The following SNTG1 variants were observed in gnomAD, a reference collection of about 807,000 sequenced individuals.
SNTG1 encodes syntrophin gamma 1.
In SNTG1, 39 loss-of-function variants were observed where a neutral mutation model predicts 74.7. The observed-to-expected ratio is 0.52, with a 90% confidence interval of 0.40 to 0.68. The LOEUF is 0.68. Ranked by LOEUF, SNTG1 falls within the 30% of genes least tolerant of loss-of-function variation. SNTG1 has a pLI of 0.00. For missense variants in SNTG1, 685 were observed against 609.5 expected, an observed-to-expected ratio of 1.12 and a Z score of -1.30; for synonymous variants, 254 against 217.1, an observed-to-expected ratio of 1.17 and a Z score of -1.49.
intron 1 of SNTG1, among the ~76,000 whole-genome samples, chr8:50,117,957 G>C (rs16914302): frequency 0.025 from 3,803 of 152,202 alleles, 187 homozygotes; most frequent in African/African-American, 0.085. Flanking sequence ...TAAAAGCTAT[G>C]TGAAGTTGGC....
intron 2 of SNTG1, among the ~76,000 whole-genome samples, chr8:50,270,730 A>G (rs1433807726): frequency 1.3e-5 from 2 of 152,214 alleles, no homozygotes; most frequent in African/African-American, 4.8e-5. Context: ...TTATGAATGA[A>G]GACAAACATG....
intron 1 of SNTG1, among the ~76,000 whole-genome samples, chr8:49,960,923 C>T (rs1810624064): frequency 6.6e-6 from 1 of 152,078 alleles, no homozygotes; most frequent in Non-Finnish European, 1.5e-5. Flanking sequence ...GTGGAGGACT[C>T]CCTAGGGCCC....
chr8:50,082,386 CTT>C (rs1822491555), intron 1 of SNTG1, among the ~76,000 whole-genome samples: 1 of 152,300 alleles, frequency 6.6e-6, no homozygotes, highest in East Asian at 1.9e-4. Context: ...TAGATTCTGA[CTT>C]TTCCACAGTA....
At chr8:50,244,997 T>A (rs566248918) in intron 2 of SNTG1, among the ~76,000 whole-genome samples, 78 of 151,838 alleles carry the variant, frequency 5.1e-4, no homozygotes, top group Non-Finnish European at 9.1e-4. Context: ...CATTTTTACA[T>A]TTTTTTTCCA....
intron 9 of SNTG1, among the ~76,000 whole-genome samples, chr8:50,519,926 T>G (rs2094165359): frequency 6.6e-6 from 1 of 151,596 alleles, no homozygotes; most frequent in Non-Finnish European, 1.5e-5. Flanking sequence ...TTCACAGAAT[T>G]TGAAAAAAAA....
intron 4 of SNTG1, among the ~76,000 whole-genome samples, chr8:50,409,287 T>G (rs930044530): frequency 9.2e-5 from 14 of 152,306 alleles, no homozygotes; most frequent in African/African-American, 3.1e-4. Flanking sequence ...GAGTTAAAAC[T>G]GAAATATCCA....
intron 18 of SNTG1, among the ~76,000 whole-genome samples, chr8:50,767,366 G>A (rs192923571): frequency 6.6e-6 from 1 of 151,962 alleles, no homozygotes; most frequent in East Asian, 1.9e-4. Flanking sequence ...ATAGGAATTG[G>A]GAGAACTTTG....
chr8:50,043,464 C>T (rs1458971076), intron 1 of SNTG1, among the ~76,000 whole-genome samples: 1 of 152,128 alleles, frequency 6.6e-6, no homozygotes, highest in Admixed American at 6.5e-5. Context: ...ACCTTTCATT[C>T]CTTATTCACA....
intron 2 of SNTG1, among the ~76,000 whole-genome samples, chr8:50,187,210 A>G (rs1309796067): frequency 6.6e-6 from 1 of 152,144 alleles, no homozygotes; most frequent in Non-Finnish European, 1.5e-5. Flanking sequence ...TATAGCCAAG[A>G]CAATCCCATG....
chr8:50,059,220 T>G (rs1395692637), intron 1 of SNTG1, among the ~76,000 whole-genome samples: 1 of 152,116 alleles, frequency 6.6e-6, no homozygotes, highest in African/African-American at 2.4e-5. Flanking sequence ...CATTTCAATT[T>G]TTTATATAAA....
intron 2 of SNTG1, among the ~76,000 whole-genome samples, chr8:50,282,613 A>G (rs1473116077): frequency 6.6e-6 from 1 of 152,082 alleles, no homozygotes; most frequent in East Asian, 1.9e-4. Flanking sequence ...AATACAAAAA[A>G]AAATTAGTCA....
At chr8:50,429,516 A>C (rs1255056370) in intron 4 of SNTG1, among the ~76,000 whole-genome samples, 1 of 152,150 alleles carries the variant, frequency 6.6e-6, no homozygotes, top group Non-Finnish European at 1.5e-5. Flanking sequence ...TTAAGAACTA[A>C]AACTATTAAA....
At chr8:50,634,034 C>A (rs1170091076) in intron 13 of SNTG1, among the ~76,000 whole-genome samples, 1 of 152,142 alleles carries the variant, frequency 6.6e-6, no homozygotes, top group Non-Finnish European at 1.5e-5. Context: ...CTTGGGCTAC[C>A]AGTGGTTCAG....
chr8:50,047,477 T>G (rs149172101), intron 1 of SNTG1, among the ~76,000 whole-genome samples: 3 of 152,212 alleles, frequency 2.0e-5, no homozygotes, highest in Non-Finnish European at 2.9e-5. Context: ...AAAAGTTAGA[T>G]CCAAGGAAGG....
At chr8:50,221,524 C>G (rs190787658) in intron 2 of SNTG1, among the ~76,000 whole-genome samples, 1 of 150,576 alleles carries the variant, frequency 6.6e-6, no homozygotes, top group Non-Finnish European at 1.5e-5. Context: ...CACACACACA[C>G]ACACACACAC....
intron 1 of SNTG1, among the ~76,000 whole-genome samples, chr8:49,925,423 C>G (rs1326953895): frequency 1.3e-5 from 2 of 151,770 alleles, no homozygotes; most frequent in Non-Finnish European, 2.9e-5. Flanking sequence ...TTTACCTGAA[C>G]TAATTTGCCT....
chr8:50,574,224 C>A (rs1031252537), intron 12 of SNTG1, among the ~76,000 whole-genome samples: 3 of 151,958 alleles, frequency 2.0e-5, no homozygotes, highest in Admixed American at 6.6e-5. Context: ...TTTTACCATT[C>A]CATTTCAAAC....
intron 1 of SNTG1, among the ~76,000 whole-genome samples, chr8:49,969,412 TTTGA>T (rs1811449782): frequency 7.9e-6 from 1 of 127,024 alleles, no homozygotes. Flanking sequence ...TTTTTTTTTT[TTTGA>T]AATGGACTCT....
At chr8:49,970,623 A>G (rs186378080) in intron 1 of SNTG1, among the ~76,000 whole-genome samples, 3 of 152,288 alleles carry the variant, frequency 2.0e-5, no homozygotes, top group African/African-American at 7.2e-5. Flanking sequence ...ATTCCATAAG[A>G]TCACTGACCA....
Sources: allele counts gnomAD v4.1 joint callset (sites outside exome capture counted in the v4.1 genomes callset), GRCh38; gene constraint gnomAD v4.1.1; transcripts MANE v1.5; gene names NCBI Gene and HGNC (gene_info 2026-07-23, HGNC 2026-07-21).